KPNA4: variants seen among roughly 807,000 people sequenced by gnomAD.
The protein encoded by KPNA4 is karyopherin subunit alpha 4.
KPNA4 carries 13 observed loss-of-function variants against 71.3 expected under a neutral mutation model. The ratio of observed to expected loss-of-function variants is 0.18; its 90% CI spans 0.12 to 0.29. The LOEUF (loss-of-function observed/expected upper bound fraction) is 0.29, where lower values mean the gene tolerates loss of function less well. Ranked by LOEUF, KPNA4 falls within the 10% of genes least tolerant of loss-of-function variation. The pLI is 1.00. For missense variants in KPNA4, 334 were observed against 603.2 expected, an observed-to-expected ratio of 0.55 and a Z score of 4.67; for synonymous variants, 189 against 195.2, an observed-to-expected ratio of 0.97 and a Z score of 0.26.
In KPNA4 at chr3:160,535,657, T is replaced by C; in HGVS notation, c.234+4A>G. 1.9e-6 allele frequency: 3 copies of C among 1,586,822 alleles called. No homozygotes were observed. The highest frequency in any genetic ancestry group is 2.6e-6 in the Non-Finnish European group (3 of 1,171,452). The stretch of plus-strand genomic sequence containing the variant: ...AATGAAGAGAGGGAAAAAATCCAAC[T>C]TACTTGAACAATAGCTTCTAGAGAG... On this transcript the variant is annotated splice_donor_region_variant and intron_variant, in intron 4 of 16. Coordinates refer to ENST00000334256, the MANE Select transcript of KPNA4 (RefSeq NM_002268.5).
intron 13 of KPNA4, among the ~76,000 whole-genome samples, chr3:160,511,721 T>TATATAA (rs937749072): frequency 6.7e-6 from 1 of 149,258 alleles, no homozygotes; most frequent in African/African-American, 2.4e-5. Context: ...TTTTTATATA[T>TATATAA]ATATATATAA....
intron 11 of KPNA4, among the ~76,000 whole-genome samples, chr3:160,518,927 T>C (rs752033406): frequency 1.4e-4 from 22 of 152,218 alleles, no homozygotes; most frequent in Non-Finnish European, 2.9e-4. Context: ...CTCGATTCTA[T>C]CTCATTGATC....
chr3:160,532,455 T>C (rs1301958212), intron 5 of KPNA4, among the ~76,000 whole-genome samples: 2 of 152,132 alleles, frequency 1.3e-5, no homozygotes, highest in Non-Finnish European at 2.9e-5. Context: ...TAAAGAGAAA[T>C]GGAATAAGCA....
At chr3:160,506,654 G>A (rs750868768) in intron 15 of KPNA4, among the ~76,000 whole-genome samples, 1 of 152,120 alleles carries the variant, frequency 6.6e-6, no homozygotes, top group African/African-American at 2.4e-5. Flanking sequence ...CAATGTTCAA[G>A]AACTTACATT....
intron 11 of KPNA4, among the ~76,000 whole-genome samples, chr3:160,517,757 C>T (rs1721257725): frequency 6.6e-6 from 1 of 151,504 alleles, no homozygotes; most frequent in South Asian, 2.1e-4. Context: ...TTTGTTATAT[C>T]TTCTTTAGAA....
chr3:160,554,112 G>A (rs148498159), intron 1 of KPNA4, among the ~76,000 whole-genome samples: 1 of 152,342 alleles, frequency 6.6e-6, no homozygotes, highest in East Asian at 1.9e-4. Flanking sequence ...GAGCTGCTTA[G>A]AGTTCAACTG....
At chr3:160,508,079 G>T in intron 15 of KPNA4, 28 bp downstream of exon 15, 1 of 1,543,054 alleles carries the variant, frequency 6.5e-7, no homozygotes, top group Non-Finnish European at 8.8e-7. Flanking sequence ...ACATTAAGAT[G>T]TGGAATAAGA....
chr3:160,524,817 T>C (rs771265271), intron 10 of KPNA4, among the ~76,000 whole-genome samples: 4 of 152,262 alleles, frequency 2.6e-5, no homozygotes, highest in Non-Finnish European at 4.4e-5. Context: ...ATGAATTTTA[T>C]ATATTATGTC....
chr3:160,531,999 C>T (rs1388549402), intron 5 of KPNA4, among the ~76,000 whole-genome samples: 4 of 152,102 alleles, frequency 2.6e-5, no homozygotes, highest in Non-Finnish European at 5.9e-5. Flanking sequence ...CTCATGTTTG[C>T]CAGGCTGGTC....
Position 160,525,753 on chromosome 3 carries a change from A to AATAC in KPNA4, c.771+43_771+46dup, listed in dbSNP as rs752559929. The AATAC allele has an allele frequency of 1.4e-5, 18 of 1,261,346 alleles. No homozygotes were observed. In the East Asian group the frequency reaches 2.1e-4, roughly 15 times the overall value. The allele number at this position is 1,261,346 out of a possible 1,614,324, so 78.1% of individuals were successfully genotyped here. On this transcript the variant is annotated intron_variant, in intron 10 of 16. Coordinates refer to ENST00000334256, the MANE Select transcript of KPNA4 (RefSeq NM_002268.5). ...CCTATGTCACAGGGGAAGCCCTAGA[A>AATAC]ATACATACATACATACATAAATATA...
intron 10 of KPNA4, among the ~76,000 whole-genome samples, chr3:160,522,544 G>A (rs1376805297): frequency 2.0e-5 from 3 of 151,750 alleles, no homozygotes; most frequent in South Asian, 4.2e-4. Context: ...TGCAAGCTCC[G>A]CCTCCCGGGT....
At chr3:160,518,123 T>C (rs1324634035) in intron 11 of KPNA4, among the ~76,000 whole-genome samples, 1 of 151,754 alleles carries the variant, frequency 6.6e-6, no homozygotes, top group African/African-American at 2.4e-5. Context: ...GTTTGATCTA[T>C]TCTGAGTTTT....
chr3:160,495,961 C>G lies in KPNA4; in HGVS notation c.*6143G>C, dbSNP rs1720752580. On this transcript the variant is annotated 3_prime_UTR_variant, in exon 17 of 17. Coordinates refer to ENST00000334256, the MANE Select transcript of KPNA4 (RefSeq NM_002268.5). ...GGTAAATACCCTCTTTAGCTGAGTC[C>G]AAGACTTTGGATATTAGATTACTGT... The G allele has an allele frequency of 6.8e-6, 1 of 147,682 alleles. No homozygotes were observed. Among genetic ancestry groups the G allele is most frequent in the African/African-American group, 2.5e-5 (1 of 39,776 alleles). 9.1% of individuals were successfully genotyped at this position (147,682 alleles called of 1,614,324 possible). A position where few individuals can be genotyped will look rare whatever the true frequency, so the allele number is the denominator to read the frequency against.
intron 15 of KPNA4, among the ~76,000 whole-genome samples, chr3:160,507,010 T>C (rs1168831498): frequency 6.6e-6 from 1 of 152,200 alleles, no homozygotes; most frequent in Non-Finnish European, 1.5e-5. Context: ...TACCTTTATA[T>C]TTATGCTTAT....
Position 160,549,792 on chromosome 3 carries a change from A to G in KPNA4, c.70-12952T>C, listed in dbSNP as rs189683995. Among the ~76,000 whole-genome samples the G allele has an allele frequency of 5.6e-4, 86 of 152,336 alleles. 5 individuals are homozygous for G. The East Asian group carries it at 7.1e-3, about 13-fold the overall frequency. On this transcript the variant is annotated intron_variant, in intron 1 of 16. Transcript: ENST00000334256. ...AAGACTGCTTTTCCATTTCTGTAAAAAATGCTGCCATGATTTTGATAGGGC... is the reference window on the plus strand; with the variant it reads ...AAGACTGCTTTTCCATTTCTGTAAAGAATGCTGCCATGATTTTGATAGGGC...
chr3:160,558,259 G>C (rs982943543), intron 1 of KPNA4, among the ~76,000 whole-genome samples: 2 of 152,174 alleles, frequency 1.3e-5, no homozygotes, highest in Non-Finnish European at 2.9e-5. Flanking sequence ...TGTTAAATAA[G>C]GGGAATAAGA....
intron 13 of KPNA4, among the ~76,000 whole-genome samples, chr3:160,510,848 C>T (rs1202211118): frequency 2.6e-5 from 4 of 151,574 alleles, no homozygotes; most frequent in Admixed American, 6.6e-5. Flanking sequence ...AGTGCAGTGG[C>T]GCAATCTCGG....
intron 1 of KPNA4, among the ~76,000 whole-genome samples, chr3:160,558,806 C>CTGCT (rs1231062550): frequency 6.6e-6 from 1 of 152,098 alleles, no homozygotes; most frequent in Non-Finnish European, 1.5e-5. Flanking sequence ...AGGGGTAAGA[C>CTGCT]TGCTGGTGCT....
intron 15 of KPNA4, among the ~76,000 whole-genome samples, chr3:160,506,173 A>ATT (rs200226140): frequency 1.4e-5 from 2 of 148,050 alleles, no homozygotes; most frequent in African/African-American, 5.0e-5. Context: ...ACTTTATTTT[A>ATT]TTTTATTTTT....
Sources: gnomAD v4.1 joint callset for allele counts (sites outside exome capture counted in the v4.1 genomes callset) on GRCh38, gnomAD v4.1.1 for gene constraint, MANE v1.5 for transcripts, NCBI Gene and HGNC (gene_info 2026-07-23, HGNC 2026-07-21) for gene names.